IL2RB: variants seen among roughly 807,000 people sequenced by gnomAD.
IL2RB encodes interleukin 2 receptor subunit beta, also known as interleukin-2 receptor subunit beta.
A neutral mutation model predicts 44.2 loss-of-function variants in IL2RB; 17 were observed. That is an observed-to-expected ratio of 0.38 (90% CI 0.26 to 0.58). IL2RB has a LOEUF of 0.58. Among genes scored for constraint, IL2RB ranks in the 20% least tolerant of loss-of-function variants. The pLI is 0.63. For synonymous variants in IL2RB, 286 were observed against 297.9 expected (o/e 0.96, Z 0.41); for missense variants, 624 against 685.5 (o/e 0.91, Z 1.00).
chr22:37,128,016 G>T lies in IL2RB; in HGVS notation c.*80C>A. On this transcript the variant is annotated 3_prime_UTR_variant, in exon 10 of 10. Transcript: ENST00000216223. This position sits in a 1 kb window ranked among gnomAD's most constrained non-coding sequence, Gnocchi z 4.5. ...CTGGACACTGAGTGTCCTCAGCAGT[G>T]GACTGAGGACCCTCAACAGGGTCCT... is the stretch of plus-strand genomic sequence containing the variant. The T allele has an allele frequency of 8.4e-7, 1 of 1,196,436 alleles. No homozygotes were observed. The highest frequency in any genetic ancestry group is 1.1e-6 in the Non-Finnish European group (1 of 894,202). 74.1% of individuals were successfully genotyped at this position (1,196,436 alleles called of 1,614,324 possible).
At position 37,141,935 on chromosome 22, in the gene IL2RB, G is replaced by C. The variant is rs137996989; in HGVS notation, c.282+499C>G. Among the ~76,000 whole-genome samples the C allele has an allele frequency of 6.6e-3, 1,012 of 152,280 alleles. 9 individuals carry two copies. Among genetic ancestry groups the C allele is most frequent in the African/African-American group, 0.023 (949 of 41,556 alleles). ...CCTTGTTGGGCCTTGACCCAACAAG[G>C]TAGGTGCCATTATTATGCCCATTTT... On this transcript the variant is annotated intron_variant, in intron 4 of 9. Coordinates refer to ENST00000216223, the MANE Select transcript of IL2RB (RefSeq NM_000878.5). This position sits in a 1 kb window ranked among gnomAD's most constrained non-coding sequence, Gnocchi z 4.4.
intron 1 of IL2RB, among the ~76,000 whole-genome samples, chr22:37,148,247 G>A: frequency 6.6e-6 from 1 of 152,336 alleles, no homozygotes; most frequent in South Asian, 2.1e-4. Context: ...GGGTGCCAGA[G>A]GGGCACAGAG....
At chr22:37,142,593 G>A (rs1349686491) in intron 3 of IL2RB, 81 bp from the exon 4 acceptor site, 1 of 1,422,926 alleles carries the variant, frequency 7.0e-7, no homozygotes, top group Admixed American at 1.7e-5. Context: ...AGATCTCTCT[G>A]CTGCCAGGAT....
intron 6 of IL2RB, 30 bp from the exon 7 acceptor site, chr22:37,136,423 A>G: frequency 6.3e-7 from 1 of 1,583,688 alleles, no homozygotes. Flanking sequence ...GTCAGCGCCC[A>G]CCTCACCTCC....
At chr22:37,148,264 G>A (rs1922321745) in intron 1 of IL2RB, among the ~76,000 whole-genome samples, 1 of 152,186 alleles carries the variant, frequency 6.6e-6, no homozygotes, top group Admixed American at 6.5e-5. Flanking sequence ...AGAGCTGAGG[G>A]AGCGCCTGGC....
chr22:37,145,330 G>C (rs1028384829), intron 1 of IL2RB, among the ~76,000 whole-genome samples: 1 of 152,146 alleles, frequency 6.6e-6, no homozygotes, highest in Non-Finnish European at 1.5e-5. Flanking sequence ...GGAGGAAAGA[G>C]ACATGAAATC....
At chr22:37,145,752 A>G (rs1323309500) in intron 1 of IL2RB, among the ~76,000 whole-genome samples, 1 of 151,980 alleles carries the variant, frequency 6.6e-6, no homozygotes, top group Admixed American at 6.5e-5. Flanking sequence ...AGGTGAGTCA[A>G]GAGATGTGGA....
chr22:37,152,649 T>C (rs560346255), upstream of IL2RB, among the ~76,000 whole-genome samples: 2 of 152,160 alleles, frequency 1.3e-5, no homozygotes, highest in East Asian at 3.8e-4. Context: ...TTACTGAACA[T>C]TCTAGAACCT....
chr22:37,148,396 A>G (rs1440743464), intron 1 of IL2RB, among the ~76,000 whole-genome samples: 2 of 152,186 alleles, frequency 1.3e-5, no homozygotes, highest in Non-Finnish European at 2.9e-5. Flanking sequence ...AGTGGAGCCC[A>G]GGACCTCGAG....
At chr22:37,154,153 G>A (rs1001427376), upstream of IL2RB, among the ~76,000 whole-genome samples, 1 of 152,202 alleles carries the variant, frequency 6.6e-6, no homozygotes, top group Non-Finnish European at 1.5e-5. Flanking sequence ...CCAGGAAAGT[G>A]GGGAGCAGAA....
chr22:37,142,865 A>C (rs1922035308), intron 3 of IL2RB: 1 of 389,132 alleles, frequency 2.6e-6, no homozygotes, highest in African/African-American at 2.1e-5. Context: ...AGCCGTGTGG[A>C]ATCACCACCC....
At chr22:37,158,864 G>A (rs778341786) in intron 1 of IL2RB, among the ~76,000 whole-genome samples, 9 of 152,190 alleles carry the variant, frequency 5.9e-5, no homozygotes, top group Admixed American at 2.6e-4. Context: ...CACCAGGCCC[G>A]TGGAACCACC....
chr22:37,132,232 A>G, intron 9 of IL2RB, 152 bp downstream of exon 9: 1 of 594,426 alleles, frequency 1.7e-6, no homozygotes, highest in Non-Finnish European at 3.0e-6. Flanking sequence ...GGAAAGTGCC[A>G]GAGCTGGAGA....
chr22:37,138,008 G>A (rs1016661045), intron 5 of IL2RB, among the ~76,000 whole-genome samples: 1 of 152,108 alleles, frequency 6.6e-6, no homozygotes, highest in Non-Finnish European at 1.5e-5. Flanking sequence ...TATATGGTTT[G>A]GTTTCTTTAC....
chr22:37,164,936 A>G (rs1199365662), intron 1 of IL2RB, among the ~76,000 whole-genome samples: 1 of 151,890 alleles, frequency 6.6e-6, no homozygotes, highest in Non-Finnish European at 1.5e-5. Flanking sequence ...ATTCCCTGAG[A>G]GCTGGTCAGA....
chr22:37,168,534 G>A (rs1375721045), intron 1 of IL2RB, among the ~76,000 whole-genome samples: 2 of 152,226 alleles, frequency 1.3e-5, no homozygotes, highest in Non-Finnish European at 2.9e-5. Flanking sequence ...CTCTGAGCCT[G>A]TTTCTGCATC....
chr22:37,171,231 C>T (rs1923274617), intron 1 of IL2RB, among the ~76,000 whole-genome samples: 1 of 152,200 alleles, frequency 6.6e-6, no homozygotes, highest in Non-Finnish European at 1.5e-5. Flanking sequence ...GATCCACCCA[C>T]CTCGGCCTCT....
intron 1 of IL2RB, among the ~76,000 whole-genome samples, chr22:37,158,746 G>A (rs1402912433): frequency 2.0e-5 from 3 of 152,236 alleles, no homozygotes; most frequent in Admixed American, 2.0e-4. Context: ...GTGGGAGCAT[G>A]TCTGTGAACT....
chr22:37,151,608 G>C (rs1601607669), upstream of IL2RB, among the ~76,000 whole-genome samples: 1 of 152,180 alleles, frequency 6.6e-6, no homozygotes, highest in Non-Finnish European at 1.5e-5. Context: ...GCATGTGCTG[G>C]TGGGGTATTG....
Sources: gnomAD v4.1 joint callset for allele counts (sites outside exome capture counted in the v4.1 genomes callset) on GRCh38, gnomAD v4.1.1 for gene constraint, Gnocchi (gnomAD v3.1) non-coding constraint, MANE v1.5 for transcripts, NCBI Gene and HGNC (gene_info 2026-07-23, HGNC 2026-07-21) for gene names.